The following SYNDIG1L variants were observed in gnomAD, a reference collection of about 807,000 sequenced individuals.
SYNDIG1L encodes synapse differentiation-inducing gene protein 1-like.
A neutral mutation model predicts 20.1 loss-of-function variants in SYNDIG1L; 13 were observed. That is an observed-to-expected ratio of 0.65 (90% CI 0.42 to 1.03). The LOEUF is 1.03. SYNDIG1L is among the 50% of genes least tolerant of loss of function. SYNDIG1L has a pLI of 0.00. For missense variants in SYNDIG1L, 294 were observed against 305.1 expected (o/e 0.96, Z 0.27); for synonymous variants, 128 against 129.3 (o/e 0.99, Z 0.07).
the SYNDIG1L span, among the ~76,000 whole-genome samples, chr14:74,433,782 T>G: frequency 6.6e-6 from 1 of 152,210 alleles, no homozygotes; most frequent in Non-Finnish European, 1.5e-5. Context: ...CAAGGTTTTA[T>G]GGCTTGTAAG....
intron 1 of SYNDIG1L, among the ~76,000 whole-genome samples, chr14:74,424,280 T>C (rs1055739420): frequency 6.6e-6 from 1 of 152,184 alleles, no homozygotes; most frequent in Non-Finnish European, 1.5e-5. Flanking sequence ...CAGAGGGGAA[T>C]GGACCTGCCT....
chr14:74,415,371 C>G lies in SYNDIG1L; in HGVS notation c.-57-5570G>C, dbSNP rs112035425. ...CCTGGATTGCTGGATTTTACCCTAA[C>G]GGTTTATGATTCTGGGGTGGGGCCT... On this transcript the variant is annotated intron_variant, in intron 1 of 3. Coordinates refer to ENST00000331628, the MANE Select transcript of SYNDIG1L (RefSeq NM_001105579.2). Among the ~76,000 whole-genome samples the G allele has an allele frequency of 2.8e-3, 426 of 152,206 alleles. 5 individuals carry two copies. The highest frequency in any genetic ancestry group is 0.01 in the Middle Eastern group (3 of 294).
At chr14:74,430,133 C>T (rs2086292363), upstream of SYNDIG1L, among the ~76,000 whole-genome samples, 2 of 152,166 alleles carry the variant, frequency 1.3e-5, no homozygotes, top group African/African-American at 4.8e-5. Context: ...GGGTGAGCTA[C>T]TGCCAATTTG....
At chr14:74,468,681 G>A in the SYNDIG1L span, among the ~76,000 whole-genome samples, 1 of 152,060 alleles carries the variant, frequency 6.6e-6, no homozygotes, top group Non-Finnish European at 1.5e-5. Flanking sequence ...CATCATGCCT[G>A]AGTTACTCAT....
chr14:74,475,137 A>C, the SYNDIG1L span, among the ~76,000 whole-genome samples: 3 of 152,090 alleles, frequency 2.0e-5, no homozygotes, highest in Non-Finnish European at 4.4e-5. Context: ...TAAATTTGGA[A>C]GACAAATGCA....
At chr14:74,409,217 C>CT in intron 2 of SYNDIG1L, 111 bp downstream of exon 2, 1 of 795,594 alleles carries the variant, frequency 1.3e-6, no homozygotes, top group Non-Finnish European at 1.9e-6. Flanking sequence ...TAGCTGGGAC[C>CT]ACAGGCACAT....
At chr14:74,467,874 C>T in the SYNDIG1L span, among the ~76,000 whole-genome samples, 2 of 151,900 alleles carry the variant, frequency 1.3e-5, no homozygotes, top group East Asian at 3.9e-4. Flanking sequence ...GAAGTGGAGT[C>T]GGATCCATCC....
the SYNDIG1L span, among the ~76,000 whole-genome samples, chr14:74,455,367 T>C: frequency 6.6e-6 from 1 of 150,798 alleles, no homozygotes; most frequent in African/African-American, 2.4e-5. Context: ...GAGCAGAAGA[T>C]GCCAGTACCC....
chr14:74,424,485 G>A (rs1218412966), intron 1 of SYNDIG1L, among the ~76,000 whole-genome samples: 1 of 152,030 alleles, frequency 6.6e-6, no homozygotes, highest in East Asian at 1.9e-4. Flanking sequence ...CCTGCCTTCA[G>A]GGAGCTCTTT....
the SYNDIG1L span, among the ~76,000 whole-genome samples, chr14:74,471,138 T>A: frequency 6.6e-6 from 1 of 152,198 alleles, no homozygotes. Flanking sequence ...TCTGCTTTCA[T>A]CTTACTCTTG....
At chr14:74,428,870 G>A (rs1273266345), upstream of SYNDIG1L, among the ~76,000 whole-genome samples, 1 of 152,078 alleles carries the variant, frequency 6.6e-6, no homozygotes, top group Non-Finnish European at 1.5e-5. Flanking sequence ...AGAGAGGAGA[G>A]ATTGGTTGTG....
the SYNDIG1L span, among the ~76,000 whole-genome samples, chr14:74,431,995 G>A: frequency 6.6e-6 from 1 of 152,120 alleles, no homozygotes; most frequent in African/African-American, 2.4e-5. Flanking sequence ...GGAGCACTGG[G>A]AGCACCACCC....
chr14:74,452,827 A>G, the SYNDIG1L span, among the ~76,000 whole-genome samples: 134 of 152,340 alleles, frequency 8.8e-4, no homozygotes, highest in Non-Finnish European at 1.7e-3. Flanking sequence ...ACTAGAAACA[A>G]CCCAAATATT....
the SYNDIG1L span, chr14:74,472,282 C>A: frequency 6.6e-6 from 1 of 152,208 alleles, no homozygotes; most frequent in Admixed American, 6.5e-5. Flanking sequence ...GACACCCCTC[C>A]CCTGGCTTTT....
intron 1 of SYNDIG1L, among the ~76,000 whole-genome samples, chr14:74,410,307 A>G (rs2086121034): frequency 6.6e-6 from 1 of 152,172 alleles, no homozygotes; most frequent in African/African-American, 2.4e-5. Context: ...GTGTGGGTCA[A>G]TGAGGTGAAG....
chr14:74,452,334 T>C, the SYNDIG1L span, among the ~76,000 whole-genome samples: 1 of 152,208 alleles, frequency 6.6e-6, no homozygotes, highest in Non-Finnish European at 1.5e-5. Flanking sequence ...TCATCTTGAA[T>C]TGTAACTCCC....
chr14:74,407,811 C>G, intron 3 of SYNDIG1L, 38 bp downstream of exon 3: 2 of 1,593,716 alleles, frequency 1.3e-6, no homozygotes, highest in South Asian at 2.3e-5. Flanking sequence ...AGTAGAGTGA[C>G]GGGCCAGAGA....
At chr14:74,428,206 G>A (rs1258219917), upstream of SYNDIG1L, among the ~76,000 whole-genome samples, 1 of 152,184 alleles carries the variant, frequency 6.6e-6, no homozygotes, top group Non-Finnish European at 1.5e-5. Flanking sequence ...TAATTCAATA[G>A]CTCTGAAGAA....
the SYNDIG1L span, among the ~76,000 whole-genome samples, chr14:74,449,438 C>CAA: frequency 3.1e-3 from 107 of 34,016 alleles, 24 homozygotes; most frequent in African/African-American, 9.5e-3. Context: ...CCTGTCTTTA[C>CAA]AAAAAAAAAA....
Sources: allele counts gnomAD v4.1 joint callset (sites outside exome capture counted in the v4.1 genomes callset), GRCh38; gene constraint gnomAD v4.1.1; transcripts MANE v1.5; gene names NCBI Gene and HGNC (gene_info 2026-07-23, HGNC 2026-07-21).